The following SGCZ variants were observed in gnomAD, a reference collection of about 807,000 sequenced individuals.
The protein encoded by SGCZ is sarcoglycan zeta.
Under a neutral mutation model 41.3 loss-of-function variants are expected in SGCZ, and 40 were observed. That is an observed-to-expected ratio of 0.97 (90% CI 0.75 to 1.26). The LOEUF is 1.26. Ranked by LOEUF, SGCZ falls within the 50% of genes most tolerant of loss-of-function variation. The pLI is 0.00. For synonymous variants in SGCZ, 206 were observed against 137.5 expected, an observed-to-expected ratio of 1.50 and a Z score of -3.49; for missense variants, 552 against 369.8, an observed-to-expected ratio of 1.49 and a Z score of -4.04.
intron 1 of SGCZ, among the ~76,000 whole-genome samples, chr8:14,710,354 A>G (rs1479470329): frequency 7.3e-6 from 1 of 137,906 alleles, no homozygotes; most frequent in African/African-American, 2.8e-5. Context: ...TGGGCGACAG[A>G]GCGAGACTCC....
intron 1 of SGCZ, among the ~76,000 whole-genome samples, chr8:14,958,639 T>G (rs948371114): frequency 2.0e-5 from 3 of 152,054 alleles, no homozygotes; most frequent in African/African-American, 7.2e-5. Flanking sequence ...GGAGTTTGAG[T>G]AATACTAGTT....
chr8:14,413,256 A>G (rs773683933), intron 2 of SGCZ, among the ~76,000 whole-genome samples: 2 of 152,016 alleles, frequency 1.3e-5, no homozygotes, highest in Admixed American at 6.6e-5. Flanking sequence ...TAATTATTCA[A>G]TCGACAAAGG....
At chr8:14,732,175 A>T (rs1454096568) in intron 1 of SGCZ, among the ~76,000 whole-genome samples, 1 of 152,134 alleles carries the variant, frequency 6.6e-6, no homozygotes, top group Non-Finnish European at 1.5e-5. Context: ...CTCACTCTCT[A>T]TAACTCTCTT....
chr8:14,309,686 C>T, intron 3 of SGCZ: 1 of 1,610,000 alleles, frequency 6.2e-7, no homozygotes, highest in Non-Finnish European at 8.5e-7. Context: ...AAGACACCTT[C>T]TGAGTATTCT....
chr8:14,938,361 G>A lies in SGCZ; in HGVS notation c.39+299224C>T, dbSNP rs376678524. Among the ~76,000 whole-genome samples, 17 of 152,186 alleles carry A rather than the reference G, an allele frequency of 1.1e-4. No individual in the cohort carries two copies. In the East Asian group the frequency reaches 3.3e-3, roughly 29 times the overall value. ...TTCCACCTCTGCCGCTCCTGAGATG[G>A]CAAGACCAATCCCTCCTCTTCCTCC... On this transcript the variant is annotated intron_variant, in intron 1 of 7. Transcript: ENST00000382080.
chr8:15,002,201 C>T (rs1479664130), intron 1 of SGCZ, among the ~76,000 whole-genome samples: 1 of 86,598 alleles, frequency 1.2e-5, no homozygotes, highest in African/African-American at 3.9e-5. Context: ...ATAGTCAGCT[C>T]TAAAAAAAAA....
intron 1 of SGCZ, among the ~76,000 whole-genome samples, chr8:15,060,014 G>T (rs1387140619): frequency 1.3e-5 from 2 of 152,124 alleles, no homozygotes; most frequent in African/African-American, 2.4e-5. Flanking sequence ...CTCTATACTA[G>T]GCCATTCTCA....
At chr8:14,403,746 T>A (rs905309562) in intron 2 of SGCZ, among the ~76,000 whole-genome samples, 1 of 152,140 alleles carries the variant, frequency 6.6e-6, no homozygotes, top group Non-Finnish European at 1.5e-5. Flanking sequence ...CTTCCATAGG[T>A]CTGTGCCTTA....
At chr8:14,097,600 A>C (rs1801884833) in intron 7 of SGCZ, among the ~76,000 whole-genome samples, 1 of 152,154 alleles carries the variant, frequency 6.6e-6, no homozygotes, top group Admixed American at 6.5e-5. Flanking sequence ...GATGTTTCTT[A>C]GGTCTCCTTT....
intron 1 of SGCZ, among the ~76,000 whole-genome samples, chr8:14,973,842 A>G (rs1442063454): frequency 6.6e-6 from 1 of 152,112 alleles, no homozygotes; most frequent in Non-Finnish European, 1.5e-5. Flanking sequence ...GTTCTTGTTG[A>G]TTTATTTAGT....
At position 14,886,167 on chromosome 8, in the gene SGCZ, G is replaced by A. The variant is rs1477770325; in HGVS notation, c.40-331241C>T. Among the ~76,000 whole-genome samples the A allele has an allele frequency of 2.0e-5, 3 of 151,052 alleles. No individual in the cohort carries two copies. In the South Asian group the frequency reaches 6.3e-4, roughly 32 times the overall value. The stretch of plus-strand genomic sequence containing the variant: ...AGCCAGACCGTTAGTATTGAACATT[G>A]TTGATGATTGTTTATAACTTTTCAC... On this transcript the variant is annotated intron_variant, in intron 1 of 7. Transcript: ENST00000382080.
At chr8:14,256,031 T>C (rs1462450875) in intron 3 of SGCZ, among the ~76,000 whole-genome samples, 1 of 152,132 alleles carries the variant, frequency 6.6e-6, no homozygotes, top group Non-Finnish European at 1.5e-5. Context: ...AACTTTTTAG[T>C]AAAACTAAGT....
chr8:14,815,803 A>G (rs1801885863), intron 1 of SGCZ, among the ~76,000 whole-genome samples: 1 of 152,198 alleles, frequency 6.6e-6, no homozygotes, highest in Non-Finnish European at 1.5e-5. Flanking sequence ...CTGTGGTATT[A>G]TGGAATAAAA....
chr8:14,309,444 C>G (rs1585346217), intron 3 of SGCZ: 1 of 1,606,442 alleles, frequency 6.2e-7, no homozygotes, highest in East Asian at 2.2e-5. Context: ...GGACAATCTT[C>G]TGATGACTGC....
chr8:14,861,064 T>C (rs1377030261), intron 1 of SGCZ, among the ~76,000 whole-genome samples: 1 of 152,170 alleles, frequency 6.6e-6, no homozygotes, highest in Non-Finnish European at 1.5e-5. Flanking sequence ...CTCACGATGC[T>C]TGAGAGTTGA....
chr8:14,859,729 A>G (rs1413874683), intron 1 of SGCZ, among the ~76,000 whole-genome samples: 1 of 152,170 alleles, frequency 6.6e-6, no homozygotes, highest in African/African-American at 2.4e-5. Flanking sequence ...ATGATTTTAT[A>G]AATTCATGAA....
chr8:14,573,155 C>T (rs1804605239), intron 1 of SGCZ, among the ~76,000 whole-genome samples: 1 of 148,356 alleles, frequency 6.7e-6, no homozygotes, highest in South Asian at 2.1e-4. Flanking sequence ...CTTCGATTCC[C>T]TTTTAAATTT....
intron 1 of SGCZ, among the ~76,000 whole-genome samples, chr8:15,219,586 T>C (rs1467303883): frequency 6.6e-6 from 1 of 152,200 alleles, no homozygotes; most frequent in Non-Finnish European, 1.5e-5. Context: ...ACACTGTTCG[T>C]ATCCCATTAA....
At chr8:14,609,812 A>G (rs1193881805) in intron 1 of SGCZ, among the ~76,000 whole-genome samples, 1 of 152,106 alleles carries the variant, frequency 6.6e-6, no homozygotes, top group African/African-American at 2.4e-5. Flanking sequence ...CAATAGAGAA[A>G]CTATTCAGAA....
Sources: gnomAD v4.1 joint callset for allele counts (sites outside exome capture counted in the v4.1 genomes callset) on GRCh38, gnomAD v4.1.1 for gene constraint, MANE v1.5 for transcripts, NCBI Gene and HGNC (gene_info 2026-07-23, HGNC 2026-07-21) for gene names.